Variants in UTP20 observed in about 807,000 individuals in gnomAD.
UTP20 encodes the protein UTP20 small subunit processome component.
Under a neutral mutation model 329.5 loss-of-function variants are expected in UTP20, and 164 were observed. That is an observed-to-expected ratio of 0.50 (90% confidence interval 0.44 to 0.57). The LOEUF is 0.57. Among genes scored for constraint, UTP20 ranks in the 20% least tolerant of loss-of-function variants. UTP20 has a pLI of 0.00. For synonymous variants in UTP20, 1,151 were observed against 1,159.3 expected, an observed-to-expected ratio of 0.99 and a Z score of 0.14; for missense variants, 3,055 against 3,284.2, an observed-to-expected ratio of 0.93 and a Z score of 1.71.
chr12:101,344,702 C>T lies in UTP20; in HGVS notation c.4557C>T (p.His1519=). Reference sequence around the variant, plus strand: ...AGAAAGACTATAGAGAAATCATCCACCGTTCACTCCTGGAGAAATTGAGAA... The same window carrying T: ...AGAAAGACTATAGAGAAATCATCCATCGTTCACTCCTGGAGAAATTGAGAA... ...VTEKDYREII[H]RSLLEKLRKG... The change falls in exon 36 of 62, where the codon CAC becomes CAT. Residue 1519 remains histidine (H), a synonymous_variant. Coordinates refer to ENST00000261637, the MANE Select transcript of UTP20 (RefSeq NM_014503.3). 1 of 1,613,712 alleles carries T rather than the reference C, an allele frequency of 6.2e-7. No homozygotes were observed. The highest frequency in any genetic ancestry group is 8.5e-7 in the Non-Finnish European group (1 of 1,179,658).
In UTP20 at chr12:101,373,675, T is replaced by A; in HGVS notation, c.7039T>A (p.Ser2347Thr). ...CTCTGCCACGTGCAAAAAGATGGCA[T>A]CCATGACAATCAAGTCCCTACTTGG... ...DDSATCKKMA[S>T]MTIKSLLGKI... Residue 2347 changes from serine to threonine, a missense_variant, in exon 54 of 62, where the codon TCC becomes ACC. By Grantham distance (58) the Ser-to-Thr change is moderately conservative. Transcript: ENST00000261637. 6.2e-7 allele frequency: 1 copy of A among 1,613,260 alleles called. No individual in the cohort carries two copies. Among genetic ancestry groups the A allele is most frequent in the South Asian group, 1.1e-5 (1 of 90,726 alleles).
intron 40 of UTP20, among the ~76,000 whole-genome samples, chr12:101,353,613 A>G (rs1869613355): frequency 6.6e-6 from 1 of 152,152 alleles, no homozygotes; most frequent in Non-Finnish European, 1.5e-5. Flanking sequence ...AGGCAGAAGG[A>G]TCAGTGGAGC....
rs373837810 is a variant in UTP20, at chr12:101,379,515, A to T, written c.7541A>T (p.Glu2514Val). The T allele has an allele frequency of 2.5e-5, 41 of 1,613,876 alleles. 1 individual carries two copies. In the South Asian group the frequency reaches 4.2e-4, roughly 16 times the overall value. The change falls in exon 57 of 62, where the codon GAA (glutamate) becomes GTA (valine). Residue 2514 changes from glutamate to valine, a missense_variant. Glu to Val is a moderately radical substitution (Grantham distance 121). Transcript: ENST00000261637. The stretch of plus-strand genomic sequence containing the variant: ...AAAAAGACCAAAAAACACCTCCCAG[A>T]ACCTGTAGCAATCAAGTTCCTAGCC... ...NTKKTKKHLP[E>V]PVAIKFLASD...
chr12:101,382,788 T>G (rs965988931), intron 58 of UTP20, among the ~76,000 whole-genome samples: 1 of 148,708 alleles, frequency 6.7e-6, no homozygotes, highest in African/African-American at 2.5e-5. Context: ...GGGAGGGGGA[T>G]GTCACAGTGA....
At chr12:101,343,145 C>T (rs190565563) in intron 35 of UTP20, 52 bp downstream of exon 35, 64 of 1,360,170 alleles carry the variant, frequency 4.7e-5, no homozygotes, top group African/African-American at 3.2e-4. Flanking sequence ...TTTGGTAATA[C>T]GGCTGCCTAA....
chr12:101,335,766 A>G (rs1457451998), intron 29 of UTP20, among the ~76,000 whole-genome samples: 1 of 152,232 alleles, frequency 6.6e-6, no homozygotes, highest in Non-Finnish European at 1.5e-5. Context: ...TAGTCTTCAG[A>G]AACAAACCAA....
rs1332208630 is a variant in UTP20 at position 101,280,143 on chromosome 12, G to C, written c.-140G>C. ...CTTGTCTCCAACATGGCGGCGCCCA[G>C]GGGCTCAAGCCGCACGTGAGAAAGT... On this transcript the variant is annotated 5_prime_UTR_variant, in exon 1 of 62. Coordinates refer to ENST00000261637, the MANE Select transcript of UTP20 (RefSeq NM_014503.3). The C allele has an allele frequency of 8.8e-7, 1 of 1,131,884 alleles. No individual in the cohort carries two copies. Among genetic ancestry groups the C allele is most frequent in the African/African-American group, 1.6e-5 (1 of 62,548 alleles). The allele number at this position is 1,131,884 out of a possible 1,614,324, so 70.1% of individuals were successfully genotyped here.
intron 6 of UTP20, among the ~76,000 whole-genome samples, chr12:101,289,703 A>G (rs1013986290): frequency 2.0e-5 from 3 of 152,288 alleles, no homozygotes; most frequent in Non-Finnish European, 1.5e-5. Context: ...GAACTTTTCT[A>G]ATAGTTTCCT....
At position 101,354,875 on chromosome 12, in the gene UTP20, A is replaced by ATT; in HGVS notation, c.5152_5153dup (p.Leu1718PhefsTer2). On this transcript the variant is annotated frameshift_variant, in exon 41 of 62. Coordinates refer to ENST00000261637, the MANE Select transcript of UTP20 (RefSeq NM_014503.3). LOFTEE classifies it high-confidence loss of function. ...AGTTACCAGAGCCTGAGGCCATGGA[A>ATT]TTAGAGCGTGTGGATGAGGAAGAGA... The ATT allele has an allele frequency of 4.3e-6, 7 of 1,614,196 alleles. No homozygotes were observed. The highest frequency in any genetic ancestry group is 5.9e-6 in the Non-Finnish European group (7 of 1,180,026).
intron 57 of UTP20, 45 bp from the exon 58 acceptor site, chr12:101,381,095 A>T: frequency 6.7e-7 from 1 of 1,490,070 alleles, no homozygotes; most frequent in Non-Finnish European, 9.4e-7. Flanking sequence ...AAACAATCAG[A>T]AATGTCCTGT....
intron 60 of UTP20, among the ~76,000 whole-genome samples, chr12:101,384,352 G>A (rs1218216330): frequency 6.6e-6 from 1 of 152,140 alleles, no homozygotes; most frequent in Non-Finnish European, 1.5e-5. Context: ...ACCAGCCTGG[G>A]CAACATGGCA....
chr12:101,375,131 G>A (rs567017698), intron 55 of UTP20, among the ~76,000 whole-genome samples, 192 bp downstream of exon 55: 16 of 152,098 alleles, frequency 1.1e-4, no homozygotes, highest in African/African-American at 3.4e-4. Flanking sequence ...AGTGTAATTG[G>A]AACTTTTTAA....
chr12:101,306,679 A>G lies in UTP20; in HGVS notation c.1933-20A>G. The G allele has an allele frequency of 6.3e-7, 1 of 1,591,664 alleles. No individual in the cohort carries two copies. The highest frequency in any genetic ancestry group is 8.5e-7 in the Non-Finnish European group (1 of 1,170,036). On this transcript the variant is annotated intron_variant, in intron 16 of 61. Coordinates refer to ENST00000261637, the MANE Select transcript of UTP20 (RefSeq NM_014503.3). Reference sequence around the variant, plus strand: ...ATGGTTAAACTTTGGAATTTGAAAGATGCCTTTTACTTTCTCCAGATTCGG... The same window carrying G: ...ATGGTTAAACTTTGGAATTTGAAAGGTGCCTTTTACTTTCTCCAGATTCGG...
chr12:101,283,467 C>G (rs895625831), intron 2 of UTP20, among the ~76,000 whole-genome samples: 33 of 152,120 alleles, frequency 2.2e-4, no homozygotes, highest in Admixed American at 6.5e-5. Flanking sequence ...CAAAGCAAGT[C>G]AGGAGGCCAG....
At chr12:101,284,173 G>C (rs1593415168) in intron 2 of UTP20, among the ~76,000 whole-genome samples, 1 of 152,060 alleles carries the variant, frequency 6.6e-6, no homozygotes, top group Non-Finnish European at 1.5e-5. Flanking sequence ...CTGAGGTTTG[G>C]AGTATGGATC....
At chr12:101,384,064 T>A (rs892005565) in intron 60 of UTP20, among the ~76,000 whole-genome samples, 7 of 152,048 alleles carry the variant, frequency 4.6e-5, no homozygotes, top group Non-Finnish European at 8.8e-5. Flanking sequence ...CATATTTGTA[T>A]TATATTTGAT....
chr12:101,299,787 T>A lies in UTP20; in HGVS notation c.1536T>A (p.Thr512=). 6.2e-7 allele frequency: 1 copy of A among 1,613,118 alleles called. No homozygotes were observed. The highest frequency in any genetic ancestry group is 1.1e-5 in the South Asian group (1 of 90,698). Residue 512 remains threonine (T), a synonymous_variant, in exon 13 of 62, where the codon ACT becomes ACA. Coordinates refer to ENST00000261637, the MANE Select transcript of UTP20 (RefSeq NM_014503.3). ...TTAAGTTACCCCCAAATAAAGATACTACTTACCTTTCACAATCTTGGGCAG... is the reference window on the plus strand; with the variant it reads ...TTAAGTTACCCCCAAATAAAGATACAACTTACCTTTCACAATCTTGGGCAG... The part of the protein sequence containing the change: ...SIIKLPPNKD[T]TYLSQSWAAL...
chr12:101,358,492 C>T (rs1394264245), intron 43 of UTP20, among the ~76,000 whole-genome samples: 1 of 152,164 alleles, frequency 6.6e-6, no homozygotes, highest in Non-Finnish European at 1.5e-5. Context: ...AATTTCCACA[C>T]TTCTTTCTAA....
chr12:101,331,627 A>C (rs963885207), intron 27 of UTP20, among the ~76,000 whole-genome samples: 2 of 152,224 alleles, frequency 1.3e-5, no homozygotes, highest in African/African-American at 2.4e-5. Context: ...TCAGATTCAA[A>C]TACCTCTGTC....
Sources: allele counts gnomAD v4.1 joint callset (sites outside exome capture counted in the v4.1 genomes callset), GRCh38; gene constraint gnomAD v4.1.1; transcripts MANE v1.5; gene names NCBI Gene and HGNC (gene_info 2026-07-23, HGNC 2026-07-21).